The following ARNT2 variants were observed in gnomAD, a reference collection of about 807,000 sequenced individuals.
ARNT2 encodes the protein aryl hydrocarbon receptor nuclear translocator 2.
A neutral mutation model predicts 91.7 loss-of-function variants in ARNT2; 36 were observed. That is an observed-to-expected ratio of 0.39 (90% CI 0.30 to 0.52). The LOEUF (loss-of-function observed/expected upper bound fraction) is 0.52, where lower values mean the gene tolerates loss of function less well. Ranked by LOEUF, ARNT2 falls within the 20% of genes least tolerant of loss-of-function variation. The probability of loss-of-function intolerance (pLI) is 0.72; values close to 1 mark genes in which losing one functional copy is unlikely to be tolerated. For synonymous variants in ARNT2, 365 were observed against 347.1 expected (o/e 1.05, Z -0.57); for missense variants, 775 against 939.3 (o/e 0.83, Z 2.29).
chr15:80,425,462 A>G (rs1895919662), intron 1 of ARNT2, among the ~76,000 whole-genome samples: 1 of 152,240 alleles, frequency 6.6e-6, no homozygotes, highest in African/African-American at 2.4e-5. Flanking sequence ...AATCAATAAA[A>G]ATATTGGGAG....
At chr15:80,554,073 T>C (rs1482477949) in intron 10 of ARNT2, among the ~76,000 whole-genome samples, 11 of 152,186 alleles carry the variant, frequency 7.2e-5, no homozygotes, top group Non-Finnish European at 1.5e-4. Context: ...ATTTGCTGAT[T>C]TGGATTGCGA....
At chr15:80,406,851 TC>T in intron 1 of ARNT2, among the ~76,000 whole-genome samples, 1 of 152,292 alleles carries the variant, frequency 6.6e-6, no homozygotes, top group East Asian at 1.9e-4. Context: ...CTTTTACTGG[TC>T]CCCTGAGGAT....
chr15:80,406,445 G>A lies in ARNT2; in HGVS notation c.31+1899G>A, dbSNP rs117888019. On this transcript the variant is annotated intron_variant, in intron 1 of 18. Transcript: ENST00000303329. ...TGTAAATGTTATGAAATTAGAAAAA[G>A]CAAAAGATGTTAAATGAAAACATTT... Among the ~76,000 whole-genome samples the A allele has an allele frequency of 2.9e-4, 44 of 152,308 alleles. No homozygotes were observed. In the East Asian group the frequency reaches 8.3e-3, roughly 29 times the overall value.
At chr15:80,453,127 C>T (rs1896426533) in intron 2 of ARNT2, among the ~76,000 whole-genome samples, 1 of 152,228 alleles carries the variant, frequency 6.6e-6, no homozygotes, top group Admixed American at 6.5e-5. Flanking sequence ...CCGGGTCACA[C>T]ACACAGCGTG....
In ARNT2 at chr15:80,594,865, C is replaced by T. The variant is rs949937202; in HGVS notation, c.*1167C>T. The stretch of plus-strand genomic sequence containing the variant: ...CCTGAGCCTTCGTTCTTCAGCCCGA[C>T]TGGAGGAACAGCAGCTCTGGGAGGC... On this transcript the variant is annotated 3_prime_UTR_variant, in exon 19 of 19. Coordinates refer to ENST00000303329, the MANE Select transcript of ARNT2 (RefSeq NM_014862.4). 6.6e-6 allele frequency: 1 copy of T among 152,256 alleles called. No individual in the cohort carries two copies. The highest frequency in any genetic ancestry group is 2.4e-5 in the African/African-American group (1 of 41,438). 9.4% of individuals were successfully genotyped at this position (152,256 alleles called of 1,614,324 possible). A position where few individuals can be genotyped will look rare whatever the true frequency, so the allele number is the denominator to read the frequency against.
intron 12 of ARNT2, among the ~76,000 whole-genome samples, chr15:80,572,577 G>T (rs1898602959): frequency 6.6e-6 from 1 of 151,956 alleles, no homozygotes; most frequent in African/African-American, 2.4e-5. Flanking sequence ...CCTGTGGGCA[G>T]TTCCTCCATG....
At chr15:80,521,795 A>G (rs74027816) in intron 8 of ARNT2, among the ~76,000 whole-genome samples, 3 of 152,152 alleles carry the variant, frequency 2.0e-5, no homozygotes, top group Non-Finnish European at 4.4e-5. Context: ...AACTTAATAT[A>G]TATCATTGCC....
At chr15:80,427,134 G>A (rs1190512316) in intron 1 of ARNT2, among the ~76,000 whole-genome samples, 2 of 152,142 alleles carry the variant, frequency 1.3e-5, no homozygotes, top group East Asian at 1.9e-4. Flanking sequence ...GGATGATATC[G>A]TAGTGACCCG....
At chr15:80,569,379 T>C (rs754761403) in intron 12 of ARNT2, among the ~76,000 whole-genome samples, 4 of 152,144 alleles carry the variant, frequency 2.6e-5, no homozygotes, top group Non-Finnish European at 5.9e-5. Context: ...TGTCAGTCAG[T>C]TTTCTCCTGA....
intron 8 of ARNT2, among the ~76,000 whole-genome samples, chr15:80,547,421 C>T (rs566918661): frequency 7.2e-5 from 11 of 152,212 alleles, no homozygotes; most frequent in African/African-American, 2.2e-4. Context: ...TATTAAGCCC[C>T]GGATGGAAAA....
At chr15:80,452,389 C>T (rs2141381601) in intron 2 of ARNT2, among the ~76,000 whole-genome samples, 1 of 152,326 alleles carries the variant, frequency 6.6e-6, no homozygotes. Flanking sequence ...CAAAGCTCCA[C>T]AGATCAACTC....
At chr15:80,473,458 A>G (rs531308676) in intron 4 of ARNT2, among the ~76,000 whole-genome samples, 4 of 152,310 alleles carry the variant, frequency 2.6e-5, no homozygotes, top group Admixed American at 1.3e-4. Context: ...TCCTCCAGTG[A>G]CAAAGAATTC....
At position 80,513,894 on chromosome 15, in the gene ARNT2, C is replaced by T; in HGVS notation, c.726-17C>T. On this transcript the variant is annotated splice_polypyrimidine_tract_variant and intron_variant, in intron 6 of 18. Coordinates refer to ENST00000303329, the MANE Select transcript of ARNT2 (RefSeq NM_014862.4). ...GCCTGGGTCTTTGCTCATTCTAATA[C>T]ACTTGTCACATCTTAGGTGTGGAAA... 1 of 1,605,552 alleles carries T rather than the reference C, an allele frequency of 6.2e-7. No homozygotes were observed. Among genetic ancestry groups the T allele is most frequent in the Non-Finnish European group, 8.5e-7 (1 of 1,172,304 alleles).
chr15:80,560,656 T>C (rs1225148278), intron 11 of ARNT2, among the ~76,000 whole-genome samples: 1 of 152,130 alleles, frequency 6.6e-6, no homozygotes, highest in East Asian at 1.9e-4. Context: ...GCAGAAGATG[T>C]GGGTTTCAAA....
chr15:80,545,554 A>C (rs887145436), intron 8 of ARNT2, among the ~76,000 whole-genome samples: 4 of 152,228 alleles, frequency 2.6e-5, no homozygotes, highest in Non-Finnish European at 1.5e-5. Flanking sequence ...TTGGAGAGCT[A>C]ACTGAAGTCG....
chr15:80,564,966 C>G (rs1898451284), intron 12 of ARNT2, among the ~76,000 whole-genome samples: 1 of 150,648 alleles, frequency 6.6e-6, no homozygotes, highest in African/African-American at 2.4e-5. Context: ...ACTCCGTCAC[C>G]TAGGCTGAGG....
chr15:80,572,762 G>A (rs1898605489), intron 12 of ARNT2, among the ~76,000 whole-genome samples: 1 of 152,190 alleles, frequency 6.6e-6, no homozygotes, highest in African/African-American at 2.4e-5. Flanking sequence ...GTTTTTCTTG[G>A]TGTTAAATTT....
intron 8 of ARNT2, among the ~76,000 whole-genome samples, chr15:80,519,164 A>G (rs979639006): frequency 5.9e-5 from 9 of 152,238 alleles, no homozygotes; most frequent in Non-Finnish European, 1.0e-4. Context: ...CATGTAAATC[A>G]GTGAAAATGA....
intron 1 of ARNT2, among the ~76,000 whole-genome samples, chr15:80,448,275 C>T (rs1159549648): frequency 6.6e-6 from 1 of 152,200 alleles, no homozygotes; most frequent in Non-Finnish European, 1.5e-5. Flanking sequence ...TCTTTTACCT[C>T]ATGATAGGTC....
Sources: allele counts gnomAD v4.1 joint callset (sites outside exome capture counted in the v4.1 genomes callset), GRCh38; gene constraint gnomAD v4.1.1; transcripts MANE v1.5; gene names NCBI Gene and HGNC (gene_info 2026-07-23, HGNC 2026-07-21).